The following ROBO2 variants were observed in gnomAD, a reference collection of about 807,000 sequenced individuals.
ROBO2 encodes roundabout homolog 2.
A neutral mutation model predicts 160.8 loss-of-function variants in ROBO2; 53 were observed. The observed-to-expected ratio is 0.33, with a 90% CI of 0.26 to 0.41. ROBO2 has a LOEUF of 0.41. Among genes scored for constraint, ROBO2 ranks in the 10% least tolerant of loss-of-function variants. ROBO2 has a pLI of 1.00. For synonymous variants in ROBO2, 664 were observed against 611.7 expected (o/e 1.09, Z -1.26); for missense variants, 1,577 against 1,722.4 (o/e 0.92, Z 1.49).
intron 1 of ROBO2, among the ~76,000 whole-genome samples, chr3:77,061,274 G>C (rs2066275342): frequency 1.3e-5 from 2 of 152,228 alleles, no homozygotes; most frequent in African/African-American, 2.4e-5. Context: ...ATTGTTGGTT[G>C]CCCTGGAGTT....
chr3:77,345,803 A>G lies in ROBO2; in HGVS notation c.389-131611A>G, dbSNP rs1212084887. 2.0e-5 allele frequency among the ~76,000 whole-genome samples: 3 copies of G among 152,170 alleles called. No individual in the cohort carries two copies. In the East Asian group the frequency reaches 5.8e-4, roughly 29 times the overall value. ...TAATGAGTGGTGATTATTTTCCAGT[A>G]TACTCTTCAATTTATTACTGTAATA... On this transcript the variant is annotated intron_variant, in intron 2 of 25. Transcript: ENST00000461745.
intron 2 of ROBO2, among the ~76,000 whole-genome samples, chr3:76,231,154 AG>A (rs1704600091): frequency 6.6e-6 from 1 of 152,210 alleles, no homozygotes; most frequent in Non-Finnish European, 1.5e-5. Flanking sequence ...GGACAACCCT[AG>A]GATGTTAATA....
At chr3:77,642,875 A>G (rs1350018421) in intron 24 of ROBO2, 1 of 456,708 alleles carries the variant, frequency 2.2e-6, no homozygotes, top group Non-Finnish European at 4.4e-6. Flanking sequence ...CAAACCCAGG[A>G]ATGGATAAGC....
At chr3:77,314,094 C>T (rs1200993297) in intron 2 of ROBO2, among the ~76,000 whole-genome samples, 2 of 152,052 alleles carry the variant, frequency 1.3e-5, no homozygotes, top group Non-Finnish European at 2.9e-5. Context: ...AACATAAATC[C>T]CTCAGCCCGT....
chr3:77,554,858 A>G (rs2093053351), intron 8 of ROBO2, among the ~76,000 whole-genome samples: 1 of 152,032 alleles, frequency 6.6e-6, no homozygotes, highest in African/African-American at 2.4e-5. Context: ...CTTAATTGAT[A>G]AAGCAACATC....
At chr3:76,838,674 T>C (rs1244346128) in intron 2 of ROBO2, among the ~76,000 whole-genome samples, 1 of 152,120 alleles carries the variant, frequency 6.6e-6, no homozygotes, top group Non-Finnish European at 1.5e-5. Flanking sequence ...AAAAATGTTA[T>C]TTGCTTATCT....
chr3:76,573,077 G>C (rs994753397), intron 2 of ROBO2, among the ~76,000 whole-genome samples: 1 of 152,108 alleles, frequency 6.6e-6, no homozygotes, highest in Non-Finnish European at 1.5e-5. Context: ...ATTTTAATTA[G>C]TTAGTTTAGC....
chr3:76,720,819 G>C (rs981603476), intron 2 of ROBO2, among the ~76,000 whole-genome samples: 1 of 152,064 alleles, frequency 6.6e-6, no homozygotes, highest in Non-Finnish European at 1.5e-5. Context: ...TAAAAGTATT[G>C]GAATTTATAA....
chr3:76,243,529 G>T (rs969367547), intron 2 of ROBO2, among the ~76,000 whole-genome samples: 3 of 152,150 alleles, frequency 2.0e-5, no homozygotes, highest in African/African-American at 7.2e-5. Flanking sequence ...AGAAGCAGCC[G>T]GGAGTCTCTG....
At chr3:77,060,402 G>T (rs2066179459) in intron 1 of ROBO2, among the ~76,000 whole-genome samples, 1 of 152,138 alleles carries the variant, frequency 6.6e-6, no homozygotes, top group Non-Finnish European at 1.5e-5. Context: ...AATAAAACTC[G>T]AGAACAATGA....
chr3:76,248,188 G>T (rs376499770), intron 2 of ROBO2, among the ~76,000 whole-genome samples: 1 of 151,374 alleles, frequency 6.6e-6, no homozygotes, highest in Admixed American at 6.6e-5. Context: ...AGACACATGC[G>T]CACGTATGTT....
Position 76,960,166 on chromosome 3 carries a change from G to C in ROBO2, c.110-137848G>C, listed in dbSNP as rs558555615. Among the ~76,000 whole-genome samples, 6 of 148,856 alleles carry C rather than the reference G, an allele frequency of 4.0e-5. 1 individual carries two copies. The South Asian group carries it at 1.0e-3, about 26-fold the overall frequency. On this transcript the variant is annotated intron_variant, in intron 2 of 26. Transcript: ENST00000487694. The stretch of plus-strand genomic sequence containing the variant: ...CACTCTTAGGACAAAAACCTTAGAG[G>C]TTAAGATGCAAAATCTTCACACAAA...
At chr3:77,413,169 A>T (rs1029533777) in intron 2 of ROBO2, among the ~76,000 whole-genome samples, 1 of 151,632 alleles carries the variant, frequency 6.6e-6, no homozygotes, top group Non-Finnish European at 1.5e-5. Flanking sequence ...AAGTAGATAT[A>T]TAATAGACAA....
chr3:77,507,279 C>A (rs1462817174), intron 5 of ROBO2, among the ~76,000 whole-genome samples: 5 of 152,176 alleles, frequency 3.3e-5, no homozygotes, highest in Admixed American at 1.3e-4. Flanking sequence ...TCTTCCACAG[C>A]ATCTCGGACT....
At chr3:77,145,169 G>A (rs2077024586) in intron 2 of ROBO2, among the ~76,000 whole-genome samples, 1 of 152,018 alleles carries the variant, frequency 6.6e-6, no homozygotes, top group African/African-American at 2.4e-5. Flanking sequence ...AGTTTAGCTG[G>A]GTGTGCATGG....
At chr3:76,600,045 T>A (rs2108929557) in intron 2 of ROBO2, among the ~76,000 whole-genome samples, 1 of 152,378 alleles carries the variant, frequency 6.6e-6, no homozygotes, top group South Asian at 2.1e-4. Context: ...AACTTTCATT[T>A]AATTAGATCT....
At chr3:77,298,361 A>G (rs2034006) in intron 2 of ROBO2, among the ~76,000 whole-genome samples, 20 of 152,286 alleles carry the variant, frequency 1.3e-4, no homozygotes, top group African/African-American at 2.6e-4. Context: ...ATGAAGTTTC[A>G]TAGCTGGAAA....
At chr3:76,385,290 C>A (rs1408554084) in intron 2 of ROBO2, among the ~76,000 whole-genome samples, 1 of 152,152 alleles carries the variant, frequency 6.6e-6, no homozygotes, top group Non-Finnish European at 1.5e-5. Flanking sequence ...TCACGCCCAG[C>A]CTGCCAAGTG....
In ROBO2 at chr3:76,248,122, T is replaced by C. The variant is rs1021639789; in HGVS notation, c.109+310520T>C. On this transcript the variant is annotated intron_variant, in intron 2 of 26. Transcript: ENST00000487694. ...TCTAGAACAAGAAATACCATTTGAC[T>C]CAGCCATCCCATTACTGGGTATATA... 1.2e-4 allele frequency among the ~76,000 whole-genome samples: 18 copies of C among 151,970 alleles called. No homozygotes were observed. The East Asian group carries it at 2.5e-3, about 21-fold the overall frequency.
Sources: gnomAD v4.1 joint callset for allele counts (sites outside exome capture counted in the v4.1 genomes callset) on GRCh38, gnomAD v4.1.1 for gene constraint, MANE v1.5 for transcripts, NCBI Gene and HGNC (gene_info 2026-07-23, HGNC 2026-07-21) for gene names.